IMMP2L: variants seen among roughly 807,000 people sequenced by gnomAD.
IMMP2L encodes inner mitochondrial membrane peptidase subunit 2.
A neutral mutation model predicts 19.3 loss-of-function variants in IMMP2L; 18 were observed. The ratio of observed to expected loss-of-function variants is 0.93; its 90% confidence interval spans 0.64 to 1.38. The LOEUF (loss-of-function observed/expected upper bound fraction) is 1.38, where lower values mean the gene tolerates loss of function less well. Ranked by LOEUF, IMMP2L falls within the 40% of genes most tolerant of loss-of-function variation. The pLI, the probability that IMMP2L is intolerant of heterozygous loss-of-function variation, is 0.00. For synonymous variants in IMMP2L, 76 were observed against 73.0 expected (o/e 1.04, Z -0.21); for missense variants, 233 against 218.2 (o/e 1.07, Z -0.43).
chr7:111,158,669 A>G (rs1804914387), intron 3 of IMMP2L, among the ~76,000 whole-genome samples: 1 of 152,206 alleles, frequency 6.6e-6, no homozygotes, highest in Admixed American at 6.6e-5. Flanking sequence ...TATATTGCAT[A>G]TACGTTTTTT....
rs542642256 is a variant in IMMP2L at position 111,445,190 on chromosome 7, G to C, written c.239+42048C>G. 3.3e-5 allele frequency among the ~76,000 whole-genome samples: 5 copies of C among 151,936 alleles called. No homozygotes were observed. In the South Asian group the frequency reaches 1.0e-3, roughly 32 times the overall value. Reference sequence around the variant, plus strand: ...TCTCTAGATTTATAGGGAAAAAAAAGTCGTGCTCTTACACATCCCCAAGAA... The same window carrying C: ...TCTCTAGATTTATAGGGAAAAAAAACTCGTGCTCTTACACATCCCCAAGAA... On this transcript the variant is annotated intron_variant, in intron 3 of 5. Coordinates refer to ENST00000405709, the MANE Select transcript of IMMP2L (RefSeq NM_032549.4).
intron 2 of IMMP2L, among the ~76,000 whole-genome samples, chr7:111,511,316 G>C (rs76136113): frequency 2.6e-5 from 4 of 151,852 alleles, no homozygotes; most frequent in Admixed American, 2.6e-4. Context: ...CAGGCACTAG[G>C]GAATCCTGCA....
chr7:111,459,548 T>A (rs1241241858), intron 3 of IMMP2L, among the ~76,000 whole-genome samples: 1 of 152,130 alleles, frequency 6.6e-6, no homozygotes, highest in East Asian at 1.9e-4. Flanking sequence ...ATACTATATT[T>A]ACTTACTCCC....
At chr7:110,972,756 A>G (rs1820280468) in intron 3 of IMMP2L, among the ~76,000 whole-genome samples, 1 of 152,138 alleles carries the variant, frequency 6.6e-6, no homozygotes, top group Non-Finnish European at 1.5e-5. Context: ...ACAGAAAAAC[A>G]CAGCCAGGTG....
rs376896413 is a variant in IMMP2L, at chr7:111,147,219, T to C, written c.240-183654A>G. On this transcript the variant is annotated intron_variant, in intron 3 of 5. Coordinates refer to ENST00000405709, the MANE Select transcript of IMMP2L (RefSeq NM_032549.4). ...GGTCAGGGGGCTGTTGTTGCTGCCG[T>C]TGTTGTTGCTGTTGTTGTTGTTGTT... Among the ~76,000 whole-genome samples, 24 of 152,232 alleles carry C rather than the reference T, an allele frequency of 1.6e-4. No individual in the cohort carries two copies. In the East Asian group the frequency reaches 2.5e-3, roughly 16 times the overall value.
At chr7:110,738,213 C>A (rs1796763033) in intron 5 of IMMP2L, among the ~76,000 whole-genome samples, 1 of 152,168 alleles carries the variant, frequency 6.6e-6, no homozygotes, top group South Asian at 2.1e-4. Context: ...AGACAAAAAT[C>A]TCCGAATTGT....
intron 3 of IMMP2L, among the ~76,000 whole-genome samples, chr7:111,049,045 A>C (rs1052674757): frequency 6.6e-6 from 1 of 151,338 alleles, no homozygotes; most frequent in African/African-American, 2.4e-5. Flanking sequence ...AAATACCTCC[A>C]GGCATCTTTT....
chr7:110,816,889 T>C (rs1195405816), intron 5 of IMMP2L, among the ~76,000 whole-genome samples: 1 of 152,136 alleles, frequency 6.6e-6, no homozygotes, highest in Non-Finnish European at 1.5e-5. Context: ...TTCCTGAATA[T>C]ACGACACTGA....
intron 3 of IMMP2L, among the ~76,000 whole-genome samples, chr7:111,230,233 C>A (rs1016716444): frequency 1.3e-5 from 2 of 152,028 alleles, no homozygotes; most frequent in Non-Finnish European, 2.9e-5. Context: ...ATTGCTGGGT[C>A]ATTCTTACAG....
intron 3 of IMMP2L, among the ~76,000 whole-genome samples, chr7:110,964,558 T>C (rs1048494343): frequency 1.3e-5 from 2 of 151,994 alleles, no homozygotes; most frequent in Non-Finnish European, 2.9e-5. Flanking sequence ...AGCTACTTGA[T>C]TATGGTAAAT....
chr7:111,411,391 G>A, intron 3 of IMMP2L: 1 of 473,194 alleles, frequency 2.1e-6, no homozygotes, highest in African/African-American at 2.0e-5. Flanking sequence ...CAAAAAAAGG[G>A]GTCCCCGTGA....
At chr7:111,175,156 C>T (rs1806903271) in intron 3 of IMMP2L, among the ~76,000 whole-genome samples, 1 of 151,820 alleles carries the variant, frequency 6.6e-6, no homozygotes, top group African/African-American at 2.4e-5. Flanking sequence ...ATTAATTACA[C>T]AGCATCCTAA....
In IMMP2L at chr7:111,028,204, G is replaced by A. The variant is rs184146837; in HGVS notation, c.240-64639C>T. 3.9e-4 allele frequency among the ~76,000 whole-genome samples: 60 copies of A among 152,146 alleles called. 1 individual carries two copies. The highest frequency in any genetic ancestry group is 6.8e-3 in the Middle Eastern group (2 of 294). ...ACAATTTAAATGAGATTTTTTCAACGTTAGCCAAAGCTTGGTAAAGTAGAC... is the reference window on the plus strand; with the variant it reads ...ACAATTTAAATGAGATTTTTTCAACATTAGCCAAAGCTTGGTAAAGTAGAC... On this transcript the variant is annotated intron_variant, in intron 3 of 5. Coordinates refer to ENST00000405709, the MANE Select transcript of IMMP2L (RefSeq NM_032549.4).
At chr7:111,167,809 T>A (rs1805996623) in intron 3 of IMMP2L, among the ~76,000 whole-genome samples, 2 of 151,914 alleles carry the variant, frequency 1.3e-5, no homozygotes, top group South Asian at 4.1e-4. Context: ...AAAGAAAGAA[T>A]GGCTGTAGTG....
rs187786888 is a variant in IMMP2L, at chr7:110,664,505, G to C, written c.409-784C>G. 3.3e-3 allele frequency among the ~76,000 whole-genome samples: 503 copies of C among 152,278 alleles called. 2 individuals carry two copies. The highest frequency in any genetic ancestry group is 0.011 in the African/African-American group (464 of 41,558). On this transcript the variant is annotated intron_variant, in intron 5 of 5. Transcript: ENST00000405709. ...TTGGCGAGGATGGAAGAGGAGGTGA[G>C]GGGGAGGACTTAAGGCTGAGCCCAA...
intron 5 of IMMP2L, among the ~76,000 whole-genome samples, chr7:110,731,047 T>G (rs1254659170): frequency 6.6e-6 from 1 of 152,212 alleles, no homozygotes; most frequent in Non-Finnish European, 1.5e-5. Flanking sequence ...AGGTATCAAT[T>G]TAAGTAAATT....
chr7:110,736,715 G>C (rs1562946522), intron 5 of IMMP2L, among the ~76,000 whole-genome samples: 1 of 152,166 alleles, frequency 6.6e-6, no homozygotes, highest in South Asian at 2.1e-4. Flanking sequence ...TTTTGAAATG[G>C]GAACATCTAT....
chr7:111,554,884 T>C (rs1045983798), intron 1 of IMMP2L, among the ~76,000 whole-genome samples: 1 of 152,018 alleles, frequency 6.6e-6, no homozygotes, highest in South Asian at 2.1e-4. Context: ...AAAGTACTGG[T>C]GCTGCTTTAT....
intron 3 of IMMP2L, among the ~76,000 whole-genome samples, chr7:111,217,129 C>CACACAA (rs1812032714): frequency 7.1e-6 from 1 of 140,440 alleles, no homozygotes; most frequent in African/African-American, 2.6e-5. Context: ...CTCTCTCTCA[C>CACACAA]ACACACACAC....
Sources: gnomAD v4.1 joint callset for allele counts (sites outside exome capture counted in the v4.1 genomes callset) on GRCh38, gnomAD v4.1.1 for gene constraint, MANE v1.5 for transcripts, NCBI Gene and HGNC (gene_info 2026-07-23, HGNC 2026-07-21) for gene names.